The following CASP5 variants were observed in gnomAD, a reference collection of about 807,000 sequenced individuals.
The protein encoded by CASP5 is caspase 5.
In CASP5, 42 loss-of-function variants were observed where a neutral mutation model predicts 45.2. The observed-to-expected ratio is 0.93, with a 90% confidence interval of 0.73 to 1.20. The LOEUF (loss-of-function observed/expected upper bound fraction) is 1.20. CASP5 is among the 50% of genes most tolerant of loss of function. The probability of loss-of-function intolerance (pLI) is 0.00; values close to 1 mark genes in which losing one functional copy is unlikely to be tolerated. For missense variants in CASP5, 512 were observed against 532.2 expected, an observed-to-expected ratio of 0.96 and a Z score of 0.37; for synonymous variants, 209 against 186.2, an observed-to-expected ratio of 1.12 and a Z score of -1.00.
At chr11:105,020,821 A>G (rs1348387660) in intron 1 of CASP5, among the ~76,000 whole-genome samples, 2 of 152,100 alleles carry the variant, frequency 1.3e-5, no homozygotes, top group East Asian at 1.9e-4. Flanking sequence ...TACAGTTCAT[A>G]TGGAACCAAA....
chr11:105,017,406 G>GA (rs991709244), intron 1 of CASP5, among the ~76,000 whole-genome samples: 3 of 152,148 alleles, frequency 2.0e-5, no homozygotes, highest in African/African-American at 4.8e-5. Flanking sequence ...TGAAAACCTT[G>GA]AAAAAAATTT....
At chr11:105,015,144 CAG>C (rs1862525747) in intron 1 of CASP5, among the ~76,000 whole-genome samples, 1 of 152,176 alleles carries the variant, frequency 6.6e-6, no homozygotes, top group Non-Finnish European at 1.5e-5. Context: ...AGAAAATTGA[CAG>C]AACATTAGAG....
intron 4 of CASP5, 92 bp from the exon 5 acceptor site, chr11:105,002,293 C>G (rs1036523925): frequency 3.1e-6 from 3 of 973,590 alleles, no homozygotes; most frequent in African/African-American, 3.2e-5. Flanking sequence ...AGACCTCATG[C>G]AGCTGCCACC....
intron 1 of CASP5, among the ~76,000 whole-genome samples, chr11:105,010,613 A>C (rs1862305565): frequency 6.6e-6 from 1 of 151,248 alleles, no homozygotes; most frequent in Non-Finnish European, 1.5e-5. Context: ...ACAATAAACC[A>C]GTAGAATATT....
chr11:105,004,461 A>G (rs575916221), intron 3 of CASP5, among the ~76,000 whole-genome samples: 2 of 152,290 alleles, frequency 1.3e-5, no homozygotes, highest in African/African-American at 4.8e-5. Flanking sequence ...AAAGGAATTT[A>G]TGTATACAAA....
chr11:105,000,124 G>T, intron 6 of CASP5, 137 bp downstream of exon 6: 1 of 874,682 alleles, frequency 1.1e-6, no homozygotes, highest in South Asian at 1.7e-5. Context: ...AGCCCCTTAG[G>T]TAGAGTTTCT....
intron 1 of CASP5, among the ~76,000 whole-genome samples, chr11:105,019,769 C>A (rs2134766874): frequency 6.9e-6 from 1 of 144,610 alleles, no homozygotes; most frequent in East Asian, 1.9e-4. Context: ...CTATTCCAAT[C>A]AATAGAAAAA....
At chr11:104,998,570 A>T (rs918792137) in intron 7 of CASP5, among the ~76,000 whole-genome samples, 6 of 152,190 alleles carry the variant, frequency 3.9e-5, no homozygotes, top group Non-Finnish European at 5.9e-5. Flanking sequence ...GGATTTATTA[A>T]AAAAACAGCA....
intron 1 of CASP5, among the ~76,000 whole-genome samples, chr11:105,017,247 C>T (rs187860488): frequency 0.092 from 14,060 of 152,068 alleles, 934 homozygotes; most frequent in Admixed American, 0.21. Flanking sequence ...AAAAGCAGAG[C>T]GACTCTCCTC....
At position 105,001,897 on chromosome 11, in the gene CASP5, T is replaced by TACACACAC; in HGVS notation, c.717+123_717+130dup. The TACACACAC allele has an allele frequency of 5.6e-6, 4 of 719,920 alleles. No individual in the cohort carries two copies. In the South Asian group the frequency reaches 8.3e-5, roughly 15 times the overall value. The allele number at this position is 719,920 out of a possible 1,614,324, so 44.6% of individuals were successfully genotyped here. A position where few individuals can be genotyped will look rare whatever the true frequency, so the allele number is the denominator to read the frequency against. The stretch of plus-strand genomic sequence containing the variant: ...TCATTTGCTAGTGCATGTGCGCATG[T>TACACACAC]ACACACACACACACACACGCACACG... On this transcript the variant is annotated intron_variant, in intron 5 of 9. Transcript: ENST00000260315.
intron 1 of CASP5, among the ~76,000 whole-genome samples, chr11:105,019,454 T>TA (rs1467949082): frequency 1.3e-5 from 2 of 149,652 alleles, no homozygotes; most frequent in Non-Finnish European, 3.0e-5. Flanking sequence ...ATAGACGCAA[T>TA]AAAAAATGAT....
At chr11:105,010,800 A>C (rs2134734063) in intron 1 of CASP5, among the ~76,000 whole-genome samples, 1 of 151,844 alleles carries the variant, frequency 6.6e-6, no homozygotes, top group South Asian at 2.1e-4. Flanking sequence ...AATTTCACAA[A>C]AACTCCATGC....
intron 1 of CASP5, among the ~76,000 whole-genome samples, chr11:105,021,398 G>T (rs550792706): frequency 1.4e-5 from 2 of 147,132 alleles, no homozygotes; most frequent in Non-Finnish European, 3.0e-5. Context: ...GAAAATTTTC[G>T]CAACCTACTC....
chr11:105,015,993 G>C (rs1862569407), intron 1 of CASP5, among the ~76,000 whole-genome samples: 1 of 152,146 alleles, frequency 6.6e-6, no homozygotes, highest in African/African-American at 2.4e-5. Context: ...TATTTTGAAA[G>C]ACAGAAACAC....
At chr11:105,018,926 G>T (rs998139295) in intron 1 of CASP5, among the ~76,000 whole-genome samples, 6 of 150,838 alleles carry the variant, frequency 4.0e-5, no homozygotes, top group African/African-American at 1.5e-4. Context: ...CTCAGCAAAT[G>T]TAAAAGAACA....
intron 1 of CASP5, 114 bp downstream of exon 1, chr11:105,023,016 G>T: frequency 1.1e-6 from 1 of 927,586 alleles, no homozygotes; most frequent in African/African-American, 1.6e-5. Context: ...GATTCAGCAT[G>T]CACACTATTG....
intron 1 of CASP5, among the ~76,000 whole-genome samples, chr11:105,021,290 G>A (rs7125698): frequency 0.97 from 140,252 of 144,672 alleles, 68,196 homozygotes; most frequent in East Asian, 1. Context: ...AATGGCAACA[G>A]AAGCCAAAAT....
chr11:105,010,881 T>C lies in CASP5; in HGVS notation c.8-1901A>G, dbSNP rs181414434. Among the ~76,000 whole-genome samples, 6 of 151,892 alleles carry C rather than the reference T, an allele frequency of 4.0e-5. No individual in the cohort carries two copies. The East Asian group carries it at 9.6e-4, about 24-fold the overall frequency. On this transcript the variant is annotated intron_variant, in intron 1 of 9. Coordinates refer to ENST00000260315, the MANE Select transcript of CASP5 (RefSeq NM_004347.5). ...GATAAGTTACTTAAGAAATTGAGTG[T>C]AATCCTGTGAAAAGAAAATGAAGTA...
chr11:105,018,101 A>C (rs2134758360), intron 1 of CASP5, among the ~76,000 whole-genome samples: 1 of 151,986 alleles, frequency 6.6e-6, no homozygotes, highest in East Asian at 1.9e-4. Flanking sequence ...CAGACAAGCA[A>C]ATGCTGAGAG....
Sources: gnomAD v4.1 joint callset for allele counts (sites outside exome capture counted in the v4.1 genomes callset) on GRCh38, gnomAD v4.1.1 for gene constraint, MANE v1.5 for transcripts, NCBI Gene and HGNC (gene_info 2026-07-23, HGNC 2026-07-21) for gene names.